Variants in FAM163A observed in about 807,000 individuals in gnomAD.
FAM163A encodes the protein protein FAM163A.
Under a neutral mutation model 12.0 loss-of-function variants are expected in FAM163A, and 7 were observed. That is an observed-to-expected ratio of 0.58 (90% CI 0.33 to 1.10). The LOEUF is 1.10. Among genes scored for constraint, FAM163A ranks in the 50% least tolerant of loss-of-function variants. The pLI, the probability that FAM163A is intolerant of heterozygous loss-of-function variation, is 0.03. For missense variants in FAM163A, 202 were observed against 218.6 expected (o/e 0.92, Z 0.48); for synonymous variants, 101 against 91.0 (o/e 1.11, Z -0.62).
At chr1:179,729,087 G>A in the FAM163A span, among the ~76,000 whole-genome samples, 2 of 152,186 alleles carry the variant, frequency 1.3e-5, no homozygotes, top group Non-Finnish European at 2.9e-5. Context: ...CTGAAAGGGA[G>A]CATACTGAGG....
chr1:179,764,189 A>C (rs1571367811), intron 1 of FAM163A, among the ~76,000 whole-genome samples: 1 of 152,178 alleles, frequency 6.6e-6, no homozygotes, highest in African/African-American at 2.4e-5. Context: ...GGTGTGGGTG[A>C]CCTTGACAAG....
chr1:179,805,105 A>G (rs1693739366), intron 1 of FAM163A, among the ~76,000 whole-genome samples: 2 of 152,162 alleles, frequency 1.3e-5, no homozygotes, highest in Non-Finnish European at 2.9e-5. Flanking sequence ...ATTCAGTGGG[A>G]GAAATCTTCC....
intron 1 of FAM163A, among the ~76,000 whole-genome samples, chr1:179,800,066 G>A (rs934509321): frequency 9.2e-5 from 14 of 152,278 alleles, no homozygotes; most frequent in African/African-American, 3.4e-4. Context: ...TCCTGCATTC[G>A]ACAGGTATGT....
chr1:179,801,884 A>T (rs534413922), intron 1 of FAM163A, among the ~76,000 whole-genome samples: 11 of 152,268 alleles, frequency 7.2e-5, no homozygotes, highest in Admixed American at 2.0e-4. Flanking sequence ...TGTGCCCCCA[A>T]ATGGTCTAAA....
Position 179,799,141 on chromosome 1 carries a change from G to A in FAM163A, c.-135-8657G>A, listed in dbSNP as rs1022403315. ...CAAGTGAAACAAGTGTTTCACTGCT[G>A]AAAGAAGTGAAACAAGCCCTATAGA... On this transcript the variant is annotated intron_variant, in intron 1 of 4. Coordinates refer to ENST00000341785, the MANE Select transcript of FAM163A (RefSeq NM_173509.3). Among the ~76,000 whole-genome samples, 86 of 149,590 alleles carry A rather than the reference G, an allele frequency of 5.7e-4. 1 individual carries two copies. The highest frequency in any genetic ancestry group is 2.2e-3 in the African/African-American group (86 of 38,992).
chr1:179,762,451 T>C (rs1358825833), intron 1 of FAM163A, among the ~76,000 whole-genome samples: 1 of 152,182 alleles, frequency 6.6e-6, no homozygotes, highest in African/African-American at 2.4e-5. Context: ...TGTCTGCTGT[T>C]TTCATTTGCA....
intron 1 of FAM163A, among the ~76,000 whole-genome samples, chr1:179,799,999 G>A (rs1468799593): frequency 6.6e-6 from 1 of 152,236 alleles, no homozygotes; most frequent in East Asian, 1.9e-4. Context: ...TGTGGACAGT[G>A]TGGGGGATGG....
rs191900566 is a variant in FAM163A, at chr1:179,767,435, T to C, written c.-136+24012T>C. On this transcript the variant is annotated intron_variant, in intron 1 of 4. Coordinates refer to ENST00000341785, the MANE Select transcript of FAM163A (RefSeq NM_173509.3). ...GCCAGCTCTCAGCATTGTGCACTTT[T>C]AATCTCCCACACGGCTGCCAGTATA... is the stretch of plus-strand genomic sequence containing the variant. Among the ~76,000 whole-genome samples the C allele has an allele frequency of 1.7e-3, 253 of 152,286 alleles. 3 individuals carry two copies. The highest frequency in any genetic ancestry group is 2.9e-3 in the Non-Finnish European group (198 of 68,020).
intron 1 of FAM163A, among the ~76,000 whole-genome samples, chr1:179,779,175 A>G (rs1053850945): frequency 6.6e-6 from 1 of 152,242 alleles, no homozygotes; most frequent in Non-Finnish European, 1.5e-5. Flanking sequence ...TTACACTTTT[A>G]TCTTTACCAA....
chr1:179,744,983 T>C (rs977095211), intron 1 of FAM163A, among the ~76,000 whole-genome samples: 1 of 152,178 alleles, frequency 6.6e-6, no homozygotes, highest in Admixed American at 6.5e-5. Context: ...CCTAATGAAA[T>C]ACTTGCATGT....
At chr1:179,777,037 C>G (rs1689076605) in intron 1 of FAM163A, among the ~76,000 whole-genome samples, 1 of 152,234 alleles carries the variant, frequency 6.6e-6, no homozygotes, top group Non-Finnish European at 1.5e-5. Context: ...CATGTTGTAG[C>G]ATGCATCAGA....
chr1:179,809,695 T>C (rs758817552), intron 2 of FAM163A, among the ~76,000 whole-genome samples: 2 of 152,180 alleles, frequency 1.3e-5, no homozygotes, highest in Non-Finnish European at 2.9e-5. Context: ...TGGCACATCC[T>C]GGAACACTAG....
At chr1:179,784,179 A>C (rs555092869) in intron 1 of FAM163A, among the ~76,000 whole-genome samples, 2 of 152,322 alleles carry the variant, frequency 1.3e-5, no homozygotes, top group South Asian at 4.1e-4. Context: ...TCTGCCCTCC[A>C]CACATTATCA....
chr1:179,789,369 A>G (rs1212138094), intron 1 of FAM163A, among the ~76,000 whole-genome samples: 1 of 152,148 alleles, frequency 6.6e-6, no homozygotes, highest in Non-Finnish European at 1.5e-5. Flanking sequence ...TTTAGTAGAG[A>G]TGGGGTTTCA....
At chr1:179,771,139 G>A (rs1688221191) in intron 1 of FAM163A, among the ~76,000 whole-genome samples, 1 of 152,062 alleles carries the variant, frequency 6.6e-6, no homozygotes, top group African/African-American at 2.4e-5. Flanking sequence ...CCCACCCCAT[G>A]CGGGACCAGG....
intron 1 of FAM163A, among the ~76,000 whole-genome samples, chr1:179,783,264 A>T (rs1411842674): frequency 3.3e-5 from 5 of 152,162 alleles, no homozygotes; most frequent in Non-Finnish European, 7.4e-5. Flanking sequence ...ATGGGGAAAG[A>T]CTTAACTGTT....
the FAM163A span, among the ~76,000 whole-genome samples, chr1:179,736,823 AAAG>A: frequency 2.6e-5 from 4 of 152,036 alleles, no homozygotes; most frequent in South Asian, 8.3e-4. Context: ...AAAAAAGAAA[AAAG>A]AAAAAAAAAG....
At chr1:179,803,347 C>T (rs1299046676) in intron 1 of FAM163A, among the ~76,000 whole-genome samples, 1 of 152,140 alleles carries the variant, frequency 6.6e-6, no homozygotes, top group East Asian at 1.9e-4. Flanking sequence ...TGGTGCCAGC[C>T]GCAGCTGGCG....
intron 1 of FAM163A, among the ~76,000 whole-genome samples, chr1:179,775,814 G>T (rs543309750): frequency 6.6e-5 from 10 of 152,308 alleles, no homozygotes; most frequent in African/African-American, 2.4e-4. Flanking sequence ...AGCTGGGGCC[G>T]ACCTTTATTC....
Sources: gnomAD v4.1 joint callset for allele counts (sites outside exome capture counted in the v4.1 genomes callset) on GRCh38, gnomAD v4.1.1 for gene constraint, MANE v1.5 for transcripts, NCBI Gene and HGNC (gene_info 2026-07-23, HGNC 2026-07-21) for gene names.